Variants in TRIM14 observed in about 807,000 individuals in gnomAD.
TRIM14 encodes tripartite motif containing 14.
In TRIM14, 28 loss-of-function variants were observed where a neutral mutation model predicts 44.5. That is an observed-to-expected ratio of 0.63 (90% CI 0.47 to 0.86). The LOEUF (loss-of-function observed/expected upper bound fraction) is 0.86. Among genes scored for constraint, TRIM14 ranks in the 40% least tolerant of loss-of-function variants. TRIM14 has a pLI of 0.00. For missense variants in TRIM14, 607 were observed against 611.1 expected, an observed-to-expected ratio of 0.99 and a Z score of 0.07; for synonymous variants, 299 against 269.2, an observed-to-expected ratio of 1.11 and a Z score of -1.08.
At chr9:98,058,195 G>T in the TRIM14 span, among the ~76,000 whole-genome samples, 1 of 152,130 alleles carries the variant, frequency 6.6e-6, no homozygotes, top group Non-Finnish European at 1.5e-5. Flanking sequence ...GGGATTACAG[G>T]TGTGAGCCAC....
downstream of TRIM14, among the ~76,000 whole-genome samples, chr9:98,080,097 C>T (rs1829785956): frequency 6.6e-6 from 1 of 152,158 alleles, no homozygotes; most frequent in African/African-American, 2.4e-5. Flanking sequence ...ACCCATAGTC[C>T]CAGCTGCTCA....
chr9:98,065,257 A>G (rs1285181270), downstream of TRIM14, among the ~76,000 whole-genome samples: 2 of 149,200 alleles, frequency 1.3e-5, no homozygotes, highest in East Asian at 3.9e-4. Context: ...TACAATGTTT[A>G]GCTTCTGGTG....
the TRIM14 span, among the ~76,000 whole-genome samples, chr9:98,041,343 T>C: frequency 6.6e-6 from 1 of 152,030 alleles, no homozygotes; most frequent in Admixed American, 6.6e-5. Flanking sequence ...CATTCTTCAT[T>C]TTTATTAAAG....
chr9:98,119,104 C>G lies in TRIM14; in HGVS notation c.85G>C (p.Asp29His). The part of the protein sequence containing the change: ...GCGWRCPEHG[D>H]RVAELFCRRC... The stretch of plus-strand genomic sequence containing the variant: ...CGACAGAAGAGCTCAGCCACGCGGT[C>G]GCCATGCTCCGGGCAGCGCCAGCCG... Residue 29 changes from aspartate to histidine, a missense_variant, in exon 1 of 6, where the codon GAC becomes CAC. Physicochemically the swap from Asp to His is moderately conservative, Grantham distance 81. Around this residue, in one of 3 missense-constraint regions of TRIM14, gnomAD observed 246 missense variants for 270.8 expected, o/e 0.91. Coordinates refer to ENST00000341469, the MANE Select transcript of TRIM14 (RefSeq NM_014788.4). 6.3e-7 allele frequency: 1 copy of G among 1,587,182 alleles called. No individual in the cohort carries two copies. Among genetic ancestry groups the G allele is most frequent in the Non-Finnish European group, 8.5e-7 (1 of 1,176,174 alleles).
At chr9:98,048,064 CAA>C in the TRIM14 span, among the ~76,000 whole-genome samples, 9 of 107,516 alleles carry the variant, frequency 8.4e-5, no homozygotes, top group East Asian at 3.3e-4. Context: ...GACTCCTTCT[CAA>C]AAAAAAAAAA....
At chr9:98,092,633 G>C in intron 4 of TRIM14, 1 of 202,476 alleles carries the variant, frequency 4.9e-6, no homozygotes, top group South Asian at 5.9e-5. Context: ...TTTAAGTTCG[G>C]CCTACATATT....
the TRIM14 span, chr9:98,056,686 C>G: frequency 7.0e-7 from 1 of 1,420,208 alleles, no homozygotes; most frequent in Non-Finnish European, 9.3e-7. Context: ...CCGGCGACCG[C>G]GGGCTGACGT....
chr9:98,103,490 C>T (rs1289503515), intron 2 of TRIM14, among the ~76,000 whole-genome samples: 2 of 152,030 alleles, frequency 1.3e-5, no homozygotes, highest in African/African-American at 4.8e-5. Flanking sequence ...CCATACTATA[C>T]CATTGTTTAA....
intron 1 of TRIM14, chr9:98,116,019 G>A (rs1587980278): frequency 6.6e-6 from 1 of 151,630 alleles, no homozygotes; most frequent in Admixed American, 6.6e-5. Flanking sequence ...ATGTTAACAA[G>A]AATAAAATAA....
intron 3 of TRIM14, among the ~76,000 whole-genome samples, chr9:98,097,195 AAAAC>A (rs758397192): frequency 1.3e-5 from 2 of 152,164 alleles, no homozygotes; most frequent in Admixed American, 6.5e-5. Flanking sequence ...CCCTGTCTCA[AAAAC>A]AAACAAACAA....
chr9:98,061,058 T>G, the TRIM14 span: 1 of 1,550,742 alleles, frequency 6.4e-7, no homozygotes, highest in Non-Finnish European at 8.9e-7. Context: ...GCAGGCAGCC[T>G]GGTGACTTCC....
the TRIM14 span, among the ~76,000 whole-genome samples, chr9:98,062,600 C>T: frequency 6.6e-6 from 1 of 152,040 alleles, no homozygotes; most frequent in African/African-American, 2.4e-5. Flanking sequence ...TTATTGCCTG[C>T]TGGTACTATT....
Position 98,087,829 on chromosome 9 carries a change from A to C in TRIM14, c.970T>G (p.Trp324Gly). The C allele has an allele frequency of 6.5e-7, 1 of 1,544,776 alleles. No homozygotes were observed. The highest frequency in any genetic ancestry group is 8.6e-7 in the Non-Finnish European group (1 of 1,157,102). ...RDCFATGRHY[W>G]EVDVQEAGAG... ...CCCGCCTCCTGCACGTCAACCTCCC[A>C]GTAGTGGCGGCCGGTGGCGAAGCAG... Residue 324 changes from tryptophan (W) to glycine (G), a missense_variant, in exon 6 of 6, where the codon TGG becomes GGG. Around this residue, in one of 3 missense-constraint regions of TRIM14, gnomAD observed 356 missense variants for 323.0 expected, o/e 1.10. Coordinates refer to ENST00000341469, the MANE Select transcript of TRIM14 (RefSeq NM_014788.4).
chr9:98,101,284 G>C (rs1218259248), intron 2 of TRIM14, among the ~76,000 whole-genome samples: 1 of 151,998 alleles, frequency 6.6e-6, no homozygotes, highest in Non-Finnish European at 1.5e-5. Flanking sequence ...CCAGAAAATA[G>C]TTTTTGATCA....
chr9:98,036,577 G>A, the TRIM14 span, among the ~76,000 whole-genome samples: 1 of 151,542 alleles, frequency 6.6e-6, no homozygotes, highest in Admixed American at 6.6e-5. Flanking sequence ...TCAGATGGGT[G>A]GATCACCTGA....
chr9:98,079,559 A>T (rs967980340), downstream of TRIM14, among the ~76,000 whole-genome samples: 2 of 152,112 alleles, frequency 1.3e-5, no homozygotes, highest in African/African-American at 4.8e-5. Context: ...TGCTTCACTT[A>T]CAGCTTATCT....
At chr9:98,053,982 T>C in the TRIM14 span, among the ~76,000 whole-genome samples, 3 of 152,144 alleles carry the variant, frequency 2.0e-5, no homozygotes, top group African/African-American at 7.2e-5. Context: ...AGTCACCTCA[T>C]TGGGCACCCA....
chr9:98,091,523 A>C (rs1825993506), intron 5 of TRIM14, among the ~76,000 whole-genome samples: 1 of 152,164 alleles, frequency 6.6e-6, no homozygotes, highest in African/African-American at 2.4e-5. Context: ...ATATGTTCAT[A>C]ATATATCAGT....
In TRIM14 at chr9:98,087,786, C is replaced by T. The variant is rs1228113658; in HGVS notation, c.1013G>A (p.Gly338Asp). ...VQEAGAGWWV[G>D]AAYASLRRRG... ...GCGCCGAAGGGAGGCGTAGGCCGCGCCCACCCACCAGCCGGCGCCCGCCTC... is the reference window on the plus strand; with the variant it reads ...GCGCCGAAGGGAGGCGTAGGCCGCGTCCACCCACCAGCCGGCGCCCGCCTC... Residue 338 changes from glycine (G) to aspartate (D), a missense_variant, in exon 6 of 6, where the codon GGC becomes GAC. Gly to Asp is a moderately conservative substitution (Grantham distance 94). Transcript: ENST00000341469. 11 of 1,504,438 alleles carry T rather than the reference C, an allele frequency of 7.3e-6. No homozygotes were observed. Among genetic ancestry groups the T allele is most frequent in the African/African-American group, 1.4e-5 (1 of 69,274 alleles). 93.2% of individuals were successfully genotyped at this position (1,504,438 alleles called of 1,614,324 possible).
Sources: allele counts gnomAD v4.1 joint callset (sites outside exome capture counted in the v4.1 genomes callset), GRCh38; gene constraint gnomAD v4.1.1; regional missense constraint gnomAD v4.1.1; transcripts MANE v1.5; gene names NCBI Gene and HGNC (gene_info 2026-07-23, HGNC 2026-07-21).